Variants in GMPR observed in about 807,000 individuals in gnomAD.
GMPR encodes the protein guanosine monophosphate reductase.
Under a neutral mutation model 38.4 loss-of-function variants are expected in GMPR, and 31 were observed. That is an observed-to-expected ratio of 0.81 (90% CI 0.61 to 1.09). The LOEUF is 1.09. Ranked by LOEUF, GMPR falls within the 50% of genes least tolerant of loss-of-function variation. GMPR has a pLI of 0.00. For synonymous variants in GMPR, 162 were observed against 173.3 expected (o/e 0.93, Z 0.51); for missense variants, 468 against 453.7 (o/e 1.03, Z -0.29).
At chr6:16,293,116 G>A (rs555453705) in intron 8 of GMPR, among the ~76,000 whole-genome samples, 42 of 152,288 alleles carry the variant, frequency 2.8e-4, no homozygotes, top group African/African-American at 9.1e-4. Context: ...GCACAGTTAT[G>A]TACACATTGC....
chr6:16,281,174 C>G (rs905200798), intron 6 of GMPR, among the ~76,000 whole-genome samples: 2 of 152,208 alleles, frequency 1.3e-5, no homozygotes, highest in African/African-American at 4.8e-5. Flanking sequence ...TTCTTGGGCC[C>G]CACCATCGAC....
intron 4 of GMPR, among the ~76,000 whole-genome samples, chr6:16,268,963 C>G (rs975480512): frequency 1.3e-5 from 2 of 149,864 alleles, no homozygotes; most frequent in African/African-American, 4.9e-5. Flanking sequence ...GTGTACAGTT[C>G]AGTGGCACTA....
rs148452896 is a variant in GMPR, at chr6:16,250,185, A to G, written c.208-99A>G. On this transcript the variant is annotated intron_variant, in intron 2 of 8. Transcript: ENST00000259727. ...CAAATTAAGCATGGATGGCAGGAAC[A>G]CTGATGCCTTTGTCTTGTTGGATCA... The G allele has an allele frequency of 1.7e-3, 1,267 of 757,144 alleles. 15 individuals are homozygous for G. In the African/African-American group the frequency reaches 0.019, roughly 11 times the overall value. The allele number at this position is 757,144 out of a possible 1,614,324, so 46.9% of individuals were successfully genotyped here.
intron 4 of GMPR, among the ~76,000 whole-genome samples, chr6:16,268,852 C>G (rs1759323253): frequency 6.7e-6 from 1 of 150,008 alleles, no homozygotes. Context: ...CACCTAAAAA[C>G]TTATTTACTA....
At chr6:16,274,551 G>T in intron 5 of GMPR, 55 bp downstream of exon 5, 1 of 965,756 alleles carries the variant, frequency 1.0e-6, no homozygotes, top group Non-Finnish European at 1.7e-6. Context: ...ATGGGATCTG[G>T]GGCTTGCGGG....
chr6:16,249,572 C>A (rs1285726597), intron 2 of GMPR, among the ~76,000 whole-genome samples: 1 of 152,190 alleles, frequency 6.6e-6, no homozygotes, highest in Non-Finnish European at 1.5e-5. Context: ...ATCCTCCTGC[C>A]TCGGCCTCCT....
chr6:16,267,022 G>T (rs1759260801), intron 4 of GMPR, among the ~76,000 whole-genome samples: 5 of 151,272 alleles, frequency 3.3e-5, no homozygotes, highest in African/African-American at 9.7e-5. Flanking sequence ...TTTAAGAGCT[G>T]TAACACTCCC....
At position 16,295,350 on chromosome 6, in the gene GMPR, C is replaced by T. The variant is rs774685190; in HGVS notation, c.*164C>T. On this transcript the variant is annotated 3_prime_UTR_variant, in exon 9 of 9. Transcript: ENST00000259727. ...GCCTGGAGGCTTCGGGGCTCTCCCGCCTGCCTTCTCGGGGCCCAGACGCAA... is the reference window on the plus strand; with the variant it reads ...GCCTGGAGGCTTCGGGGCTCTCCCGTCTGCCTTCTCGGGGCCCAGACGCAA... The T allele has an allele frequency of 1.2e-5, 6 of 518,102 alleles. No homozygotes were observed. The highest frequency in any genetic ancestry group is 1.6e-5 in the Non-Finnish European group (5 of 315,464). 32.1% of individuals were successfully genotyped at this position (518,102 alleles called of 1,614,324 possible). A position where few individuals can be genotyped will look rare whatever the true frequency, so the allele number is the denominator to read the frequency against.
chr6:16,266,921 ACACT>A (rs1256580360), intron 4 of GMPR, among the ~76,000 whole-genome samples: 3 of 152,226 alleles, frequency 2.0e-5, no homozygotes, highest in African/African-American at 7.2e-5. Flanking sequence ...AAGAGCTGTA[ACACT>A]CACTGCAAAG....
chr6:16,244,574 GA>G (rs1758721427), intron 1 of GMPR, among the ~76,000 whole-genome samples: 1 of 152,220 alleles, frequency 6.6e-6, no homozygotes, highest in East Asian at 1.9e-4. Context: ...AGGCCTGTTA[GA>G]GAGCAGCAGA....
At chr6:16,263,571 C>T (rs1311659797) in intron 4 of GMPR, among the ~76,000 whole-genome samples, 2 of 149,582 alleles carry the variant, frequency 1.3e-5, no homozygotes, top group Non-Finnish European at 3.0e-5. Context: ...GGGGTTGGGG[C>T]GTGGAAATAA....
At chr6:16,290,401 A>G (rs1490910549) in intron 7 of GMPR, 61 bp from the exon 8 acceptor site, 3 of 1,495,314 alleles carry the variant, frequency 2.0e-6, no homozygotes, top group Non-Finnish European at 2.8e-6. Flanking sequence ...ATTTTTTGAG[A>G]GCCTTTTCCC....
chr6:16,290,734 AG>A, intron 8 of GMPR, 113 bp downstream of exon 8: 1 of 896,354 alleles, frequency 1.1e-6, no homozygotes, highest in Non-Finnish European at 1.7e-6. Context: ...TACCGTGGGA[AG>A]GGGTTCTTTT....
chr6:16,275,987 C>T (rs1759465508), intron 5 of GMPR, among the ~76,000 whole-genome samples: 1 of 151,954 alleles, frequency 6.6e-6, no homozygotes, highest in Non-Finnish European at 1.5e-5. Flanking sequence ...GAACGATCAG[C>T]TGATCCTGGG....
chr6:16,252,546 C>T (rs895638664), intron 3 of GMPR, among the ~76,000 whole-genome samples: 1 of 152,182 alleles, frequency 6.6e-6, no homozygotes, highest in African/African-American at 2.4e-5. Context: ...CCTCCCTCCA[C>T]CTTCTTTAAG....
intron 4 of GMPR, among the ~76,000 whole-genome samples, chr6:16,266,374 A>C (rs1759225725): frequency 8.4e-6 from 1 of 119,306 alleles, no homozygotes; most frequent in African/African-American, 3.0e-5. Flanking sequence ...ACTGTGAAAA[A>C]GGTGGCACGT....
intron 4 of GMPR, among the ~76,000 whole-genome samples, chr6:16,261,343 G>A (rs938902727): frequency 1.1e-4 from 17 of 151,968 alleles, no homozygotes; most frequent in Non-Finnish European, 2.4e-4. Context: ...AAGTAATGGG[G>A]GCTGTCTGTG....
chr6:16,285,898 C>T (rs1241454092), intron 7 of GMPR, 63 bp downstream of exon 7: 2 of 1,352,426 alleles, frequency 1.5e-6, no homozygotes, highest in African/African-American at 2.9e-5. Flanking sequence ...CTACACCTCT[C>T]CAGCTGGCAA....
At chr6:16,249,792 A>C (rs1021291142) in intron 2 of GMPR, among the ~76,000 whole-genome samples, 1 of 152,252 alleles carries the variant, frequency 6.6e-6, no homozygotes, top group South Asian at 2.1e-4. Flanking sequence ...GATTTAATGG[A>C]TTTACCTTTT....
Sources: allele counts gnomAD v4.1 joint callset (sites outside exome capture counted in the v4.1 genomes callset), GRCh38; gene constraint gnomAD v4.1.1; transcripts MANE v1.5; gene names NCBI Gene and HGNC (gene_info 2026-07-23, HGNC 2026-07-21).